LAMB4: variants seen among roughly 807,000 people sequenced by gnomAD.
LAMB4 encodes laminin subunit beta-4.
A neutral mutation model predicts 199.2 loss-of-function variants in LAMB4; 196 were observed. That is an observed-to-expected ratio of 0.98 (90% confidence interval 0.88 to 1.11). The LOEUF is 1.11. Among genes scored for constraint, LAMB4 ranks in the 50% least tolerant of loss-of-function variants. The pLI is 0.00. For synonymous variants in LAMB4, 744 were observed against 770.6 expected (o/e 0.97, Z 0.57); for missense variants, 2,080 against 2,171.2 (o/e 0.96, Z 0.83).
At chr7:108,124,027 T>C (rs1207537850) in intron 1 of LAMB4, among the ~76,000 whole-genome samples, 1 of 152,052 alleles carries the variant, frequency 6.6e-6, no homozygotes, top group African/African-American at 2.4e-5. Context: ...TTTTTTTCCT[T>C]TTTTTAAGAC....
intron 23 of LAMB4, among the ~76,000 whole-genome samples, chr7:108,059,233 G>A (rs2036083749): frequency 6.6e-6 from 1 of 151,204 alleles, no homozygotes; most frequent in Non-Finnish European, 1.5e-5. Context: ...AGCCTCCCGA[G>A]TAGCTGGGAC....
chr7:108,074,271 T>C (rs2036623115), intron 17 of LAMB4, among the ~76,000 whole-genome samples: 1 of 152,248 alleles, frequency 6.6e-6, no homozygotes, highest in African/African-American at 2.4e-5. Flanking sequence ...TTACCAATTA[T>C]GGGTTATTCT....
At position 108,093,129 on chromosome 7, in the gene LAMB4, G is replaced by A. The variant is rs182039951; in HGVS notation, c.1471-713C>T. Among the ~76,000 whole-genome samples, 979 of 152,282 alleles carry A rather than the reference G, an allele frequency of 6.4e-3. 10 individuals are homozygous for A. Among genetic ancestry groups the A allele is most frequent in the African/African-American group, 0.022 (917 of 41,556 alleles). On this transcript the variant is annotated intron_variant, in intron 12 of 33. Coordinates refer to ENST00000388781, the MANE Select transcript of LAMB4 (RefSeq NM_007356.3). ...GTTCTTTTGCCCACACTGGAGTGCA[G>A]TGGTACGATCTTGGCCAACCTCCGC...
rs147948911 is a variant in LAMB4 at position 108,035,941 on chromosome 7, C to T, written c.4679+1447G>A. ...CAGTCTCAGCTCACTGCAGCCTCTGCCTCCCAGGTTCAAGTTCAATCAGTT... is the reference window on the plus strand; with the variant it reads ...CAGTCTCAGCTCACTGCAGCCTCTGTCTCCCAGGTTCAAGTTCAATCAGTT... On this transcript the variant is annotated intron_variant, in intron 30 of 33. Coordinates refer to ENST00000388781, the MANE Select transcript of LAMB4 (RefSeq NM_007356.3). 5.8e-3 allele frequency among the ~76,000 whole-genome samples: 879 copies of T among 151,968 alleles called. 7 individuals are homozygous for T. The highest frequency in any genetic ancestry group is 0.021 in the African/African-American group (859 of 41,412).
intron 28 of LAMB4, among the ~76,000 whole-genome samples, chr7:108,046,147 C>A (rs1266236102): frequency 6.6e-6 from 1 of 151,984 alleles, no homozygotes; most frequent in Non-Finnish European, 1.5e-5. Flanking sequence ...CGGTTCACTG[C>A]AACCTCTGCC....
intron 28 of LAMB4, among the ~76,000 whole-genome samples, chr7:108,047,468 GATA>G (rs1352706307): frequency 6.6e-6 from 1 of 151,874 alleles, no homozygotes; most frequent in Non-Finnish European, 1.5e-5. Context: ...TGATTTTTCT[GATA>G]ATATTCTCTT....
chr7:108,084,903 C>A (rs1045582153), intron 14 of LAMB4, among the ~76,000 whole-genome samples: 1 of 150,918 alleles, frequency 6.6e-6, no homozygotes, highest in African/African-American at 2.4e-5. Flanking sequence ...ATCATCACAC[C>A]CAGCCAATTT....
At chr7:108,063,432 C>T (rs2036233230) in intron 22 of LAMB4, among the ~76,000 whole-genome samples, 1 of 152,204 alleles carries the variant, frequency 6.6e-6, no homozygotes, top group Admixed American at 6.5e-5. Flanking sequence ...TAATACACCT[C>T]ACCTCCCCAC....
At chr7:108,074,123 C>A (rs181834746) in intron 17 of LAMB4, among the ~76,000 whole-genome samples, 1 of 152,234 alleles carries the variant, frequency 6.6e-6, no homozygotes, top group Admixed American at 6.5e-5. Context: ...CTTCCCCTGT[C>A]CTCCCCTATT....
rs2036341044 is a variant in LAMB4, at chr7:108,066,361, T to C, written c.2678+8A>G. On this transcript the variant is annotated splice_region_variant and intron_variant, in intron 20 of 33. Transcript: ENST00000388781. ...ACCTAAAAATTAAAGTGCATATGAATTCCATACCTTTCACAGTTTCTGCCA... is the reference window on the plus strand; with the variant it reads ...ACCTAAAAATTAAAGTGCATATGAACTCCATACCTTTCACAGTTTCTGCCA... The C allele has an allele frequency of 2.5e-6, 4 of 1,604,030 alleles. No individual in the cohort carries two copies. Among genetic ancestry groups the C allele is most frequent in the African/African-American group, 2.7e-5 (2 of 74,794 alleles).
At chr7:108,048,426 A>G (rs1234866897) in intron 27 of LAMB4, among the ~76,000 whole-genome samples, 1 of 152,126 alleles carries the variant, frequency 6.6e-6, no homozygotes, top group Non-Finnish European at 1.5e-5. Context: ...TCGGCCTCCC[A>G]AAGTGCTGAG....
chr7:108,018,623 T>G (rs1232333008), downstream of LAMB4, among the ~76,000 whole-genome samples: 16 of 152,110 alleles, frequency 1.1e-4, no homozygotes. Flanking sequence ...CCTGTATCCT[T>G]GAACCTAAGA....
At chr7:108,103,507 C>T (rs966824296) in intron 9 of LAMB4, among the ~76,000 whole-genome samples, 3 of 152,192 alleles carry the variant, frequency 2.0e-5, no homozygotes, top group Non-Finnish European at 2.9e-5. Context: ...TAAATCATTT[C>T]GGTGATCTAA....
At chr7:108,024,222 G>A (rs766919767) in intron 33 of LAMB4, 44 bp from the exon 34 acceptor site, 2 of 1,195,936 alleles carry the variant, frequency 1.7e-6, no homozygotes, top group South Asian at 1.5e-5. Context: ...CCATTTAATG[G>A]ATTCCTGCTG....
At chr7:108,023,130 T>A (rs2034726556), downstream of LAMB4, among the ~76,000 whole-genome samples, 1 of 152,190 alleles carries the variant, frequency 6.6e-6, no homozygotes, top group Non-Finnish European at 1.5e-5. Flanking sequence ...CTATTTTTTA[T>A]GAGTCAGTCC....
At chr7:108,068,819 G>A (rs886920208) in intron 18 of LAMB4, among the ~76,000 whole-genome samples, 8 of 151,816 alleles carry the variant, frequency 5.3e-5, no homozygotes, top group African/African-American at 1.7e-4. Flanking sequence ...TCAGCCTCCC[G>A]AGTAGCTGGG....
chr7:108,104,632 A>G lies in LAMB4; in HGVS notation c.871-13T>C. On this transcript the variant is annotated splice_polypyrimidine_tract_variant and intron_variant, in intron 8 of 33. Transcript: ENST00000388781. ...ACTGACCGTGAACCTGCATTGTGCA[A>G]TAAATAGAGCGTTGAAAGAGGGCTT... 8 of 1,612,724 alleles carry G rather than the reference A, an allele frequency of 5.0e-6. No homozygotes were observed. The highest frequency in any genetic ancestry group is 6.8e-6 in the Non-Finnish European group (8 of 1,179,382).
At chr7:108,037,746 T>G (rs544616967) in intron 29 of LAMB4, 151 bp from the exon 30 acceptor site, 1 of 628,474 alleles carries the variant, frequency 1.6e-6, no homozygotes. Flanking sequence ...TTCCTATAGA[T>G]TCTTCTTCAT....
chr7:108,123,246 C>T (rs2038661422), intron 1 of LAMB4, 49 bp from the exon 2 acceptor site: 1 of 1,145,120 alleles, frequency 8.7e-7, no homozygotes, highest in Admixed American at 2.0e-5. Context: ...GAAATAATTG[C>T]CATCATCACA....
Sources: gnomAD v4.1 joint callset for allele counts (sites outside exome capture counted in the v4.1 genomes callset) on GRCh38, gnomAD v4.1.1 for gene constraint, MANE v1.5 for transcripts, NCBI Gene and HGNC (gene_info 2026-07-23, HGNC 2026-07-21) for gene names.